ELOVL6: variants seen among roughly 807,000 people sequenced by gnomAD.
ELOVL6 encodes ELOVL fatty acid elongase 6, also known as very long chain fatty acid elongase 6.
Under a neutral mutation model 31.7 loss-of-function variants are expected in ELOVL6, and 8 were observed. That is an observed-to-expected ratio of 0.25 (90% CI 0.15 to 0.45). The LOEUF (loss-of-function observed/expected upper bound fraction) is 0.45. Among genes scored for constraint, ELOVL6 ranks in the 20% least tolerant of loss-of-function variants. The pLI is 1.00. For synonymous variants in ELOVL6, 101 were observed against 117.7 expected, an observed-to-expected ratio of 0.86 and a Z score of 0.92; for missense variants, 126 against 326.4, an observed-to-expected ratio of 0.39 and a Z score of 4.73.
chr4:110,051,596 G>C lies in ELOVL6; in HGVS notation c.540C>G (p.Tyr180Ter). The C allele has an allele frequency of 6.2e-7, 1 of 1,614,212 alleles. No individual in the cohort carries two copies. Among genetic ancestry groups the C allele is most frequent in the Non-Finnish European group, 8.5e-7 (1 of 1,180,026 alleles). Reference sequence around the variant, plus strand: ...GGAAACCTGCCGCCCGCAAGGCATAGTAAGAGTACATCACGGCGTGCACGC... The same window carrying C: ...GGAAACCTGCCGCCCGCAAGGCATACTAAGAGTACATCACGGCGTGCACGC... ...NYGVHAVMYS[Y>*]YALRAAGFRV... The change falls in exon 4 of 4, where the codon TAC (tyrosine) becomes TAG (stop). Residue 180 changes from tyrosine to a stop codon, truncating the protein, a stop_gained. Coordinates refer to ENST00000302274, the MANE Select transcript of ELOVL6 (RefSeq NM_024090.3). LOFTEE classifies it high-confidence loss of function. The surrounding 1 kb of genome is among the most constrained non-coding windows in gnomAD (Gnocchi z 4.8).
chr4:110,197,236 AG>A (rs1247082052), intron 1 of ELOVL6, among the ~76,000 whole-genome samples: 2 of 152,218 alleles, frequency 1.3e-5, no homozygotes, highest in Admixed American at 1.3e-4. Context: ...CCAGACCCGA[AG>A]TTAAGGGGAG....
intron 2 of ELOVL6, among the ~76,000 whole-genome samples, chr4:110,076,591 G>T (rs1002450044): frequency 6.6e-6 from 1 of 152,158 alleles, no homozygotes; most frequent in Non-Finnish European, 1.5e-5. Flanking sequence ...CAAGGATAAA[G>T]TCACCTAGCG....
At chr4:110,052,992 C>T (rs115314858) in intron 3 of ELOVL6, among the ~76,000 whole-genome samples, 51 of 152,276 alleles carry the variant, frequency 3.3e-4, no homozygotes, top group Admixed American at 6.5e-4. Flanking sequence ...CTGTCACCTA[C>T]GTGCCATCGC....
chr4:110,112,013 A>C (rs1166802727), intron 1 of ELOVL6, among the ~76,000 whole-genome samples: 4 of 152,246 alleles, frequency 2.6e-5, no homozygotes, highest in African/African-American at 9.6e-5. Context: ...TTCTTCTTAA[A>C]TAAACAATAG....
intron 1 of ELOVL6, among the ~76,000 whole-genome samples, chr4:110,141,659 ATATATATATAGTG>A (rs1466779324): frequency 1.3e-5 from 2 of 148,588 alleles, no homozygotes; most frequent in African/African-American, 2.5e-5. Flanking sequence ...TTGTATTAGT[ATATATATATAGTG>A]TATATATATA....
At chr4:110,089,168 TG>T (rs1368176968) in intron 2 of ELOVL6, among the ~76,000 whole-genome samples, 4 of 152,228 alleles carry the variant, frequency 2.6e-5, no homozygotes, top group Non-Finnish European at 5.9e-5. Flanking sequence ...TAGGATAAAA[TG>T]CTTAAATAGG....
At chr4:110,140,179 G>A (rs776557186) in intron 1 of ELOVL6, among the ~76,000 whole-genome samples, 6 of 152,222 alleles carry the variant, frequency 3.9e-5, no homozygotes, top group Admixed American at 3.9e-4. Flanking sequence ...GTGTTTCACA[G>A]TAGGTGAAAA....
intron 1 of ELOVL6, among the ~76,000 whole-genome samples, chr4:110,132,784 G>A (rs907077630): frequency 6.6e-6 from 1 of 151,982 alleles, no homozygotes; most frequent in Non-Finnish European, 1.5e-5. Flanking sequence ...AGGTTGCAGT[G>A]AGCTGAGATC....
chr4:110,150,799 T>C (rs1171690648), intron 1 of ELOVL6, among the ~76,000 whole-genome samples: 1 of 152,158 alleles, frequency 6.6e-6, no homozygotes, highest in Non-Finnish European at 1.5e-5. Flanking sequence ...TCCCAGCACT[T>C]TGGGAAGCCG....
intron 1 of ELOVL6, among the ~76,000 whole-genome samples, chr4:110,117,215 C>A (rs1659178978): frequency 6.6e-6 from 1 of 152,156 alleles, no homozygotes; most frequent in South Asian, 2.1e-4. Context: ...CAAAAATTAT[C>A]CAGCCCCCAA....
intron 3 of ELOVL6, among the ~76,000 whole-genome samples, chr4:110,053,225 G>GTTC (rs771538204): frequency 6.6e-6 from 1 of 152,168 alleles, no homozygotes; most frequent in Non-Finnish European, 1.5e-5. Flanking sequence ...CCCGGCCCTG[G>GTTC]TTCTTCTTCT....
At chr4:110,098,556 C>T (rs1364340865) in intron 2 of ELOVL6, among the ~76,000 whole-genome samples, 2 of 152,024 alleles carry the variant, frequency 1.3e-5, no homozygotes, top group African/African-American at 4.8e-5. Context: ...TCTCTCTGGT[C>T]GTATTTCTCT....
intron 1 of ELOVL6, among the ~76,000 whole-genome samples, chr4:110,129,989 C>G (rs1373822863): frequency 6.7e-6 from 1 of 149,498 alleles, no homozygotes; most frequent in African/African-American, 2.5e-5. Flanking sequence ...CCTCTGCCTC[C>G]CGGGTTCAAG....
intron 2 of ELOVL6, among the ~76,000 whole-genome samples, chr4:110,084,566 A>T (rs868205453): frequency 2.2e-4 from 8 of 37,114 alleles, no homozygotes; most frequent in African/African-American, 1.4e-3. Flanking sequence ...ACACACAGAT[A>T]TATATATATA....
intron 1 of ELOVL6, among the ~76,000 whole-genome samples, chr4:110,187,012 T>C (rs1759469553): frequency 1.3e-5 from 2 of 150,736 alleles, no homozygotes; most frequent in Admixed American, 6.6e-5. Context: ...ACCTATCTTA[T>C]GATGTCATGT....
At chr4:110,154,291 T>C (rs918495423) in intron 1 of ELOVL6, among the ~76,000 whole-genome samples, 1 of 152,182 alleles carries the variant, frequency 6.6e-6, no homozygotes, top group East Asian at 1.9e-4. Context: ...AGTCTCACTG[T>C]ATCTCCCAGG....
chr4:110,051,360 C>T lies in ELOVL6; in HGVS notation c.776G>A (p.Arg259Lys), dbSNP rs749955675. ...FFFEAYIGKM[R>K]KTTKAE ...ACACTATTCAGCTTTCGTTGTTTTCCTCATTTTGCCGATGTAGGCCTCAAA... is the reference window on the plus strand; with the variant it reads ...ACACTATTCAGCTTTCGTTGTTTTCTTCATTTTGCCGATGTAGGCCTCAAA... Residue 259 changes from arginine (R) to lysine (K), a missense_variant, in exon 4 of 4, where the codon AGG (arginine) becomes AAG (lysine). Arg to Lys is a conservative substitution (Grantham distance 26, BLOSUM62 2). Transcript: ENST00000302274. This position sits in a 1 kb window ranked among gnomAD's most constrained non-coding sequence, Gnocchi z 4.8. 8.1e-6 allele frequency: 13 copies of T among 1,613,952 alleles called. No individual in the cohort carries two copies. The South Asian group carries it at 1.3e-4, about 16-fold the overall frequency.
intron 2 of ELOVL6, among the ~76,000 whole-genome samples, chr4:110,090,841 G>A (rs941256528): frequency 2.0e-5 from 3 of 151,938 alleles, no homozygotes; most frequent in African/African-American, 4.8e-5. Flanking sequence ...CTGACTTTGC[G>A]ATCCACCCGC....
chr4:110,089,113 A>G (rs542185790), intron 2 of ELOVL6, among the ~76,000 whole-genome samples: 3 of 152,258 alleles, frequency 2.0e-5, no homozygotes, highest in African/African-American at 7.2e-5. Flanking sequence ...TTTCCAGCAA[A>G]TGTTACTCCG....
Sources: gnomAD v4.1 joint callset for allele counts (sites outside exome capture counted in the v4.1 genomes callset) on GRCh38, gnomAD v4.1.1 for gene constraint, Gnocchi (gnomAD v3.1) non-coding constraint, MANE v1.5 for transcripts, NCBI Gene and HGNC (gene_info 2026-07-23, HGNC 2026-07-21) for gene names.